Variants in LOC128125817 observed in about 807,000 individuals in gnomAD.
At chr1:41,618,741 TGGCCCATTTTCCA>T in the LOC128125817 span, among the ~76,000 whole-genome samples, 1 of 152,224 alleles carries the variant, frequency 6.6e-6, no homozygotes, top group Non-Finnish European at 1.5e-5. Flanking sequence ...TCTATCCACC[TGGCCCATTTTCCA>T]GATGAGGAAA....
chr1:41,622,686 G>A, the LOC128125817 span, among the ~76,000 whole-genome samples: 5 of 152,186 alleles, frequency 3.3e-5, no homozygotes, highest in African/African-American at 1.2e-4. Context: ...GAAGCTATGG[G>A]TGGATTTTAA....
chr1:41,628,500 G>A, the LOC128125817 span, among the ~76,000 whole-genome samples: 1 of 152,184 alleles, frequency 6.6e-6, no homozygotes, highest in African/African-American at 2.4e-5. Context: ...GGTACTGGGA[G>A]GGGGCGGACT....
the LOC128125817 span, among the ~76,000 whole-genome samples, chr1:41,625,993 G>C: frequency 6.6e-6 from 1 of 152,234 alleles, no homozygotes; most frequent in Non-Finnish European, 1.5e-5. Flanking sequence ...TCATTGCTGA[G>C]AAATTGCTTC....
At chr1:41,625,701 C>G in the LOC128125817 span, among the ~76,000 whole-genome samples, 1 of 152,160 alleles carries the variant, frequency 6.6e-6, no homozygotes, top group African/African-American at 2.4e-5. Context: ...CACCACTATA[C>G]TCTAGCCTGG....
chr1:41,588,166 T>C, the LOC128125817 span, among the ~76,000 whole-genome samples: 1 of 152,196 alleles, frequency 6.6e-6, no homozygotes, highest in African/African-American at 2.4e-5. Flanking sequence ...AGAACTGCTC[T>C]TTGGGCTGGG....
chr1:41,601,127 G>A, the LOC128125817 span, among the ~76,000 whole-genome samples: 1,656 of 152,198 alleles, frequency 0.011, 26 homozygotes, highest in African/African-American at 0.037. Context: ...CTGTCTTTAT[G>A]TCAGTACCAT....
the LOC128125817 span, among the ~76,000 whole-genome samples, chr1:41,603,125 G>A: frequency 4.0e-5 from 6 of 151,622 alleles, no homozygotes; most frequent in East Asian, 1.9e-4. Flanking sequence ...GCAGTGTAGC[G>A]GCGCGATCTC....
At chr1:41,585,792 T>C in the LOC128125817 span, among the ~76,000 whole-genome samples, 1 of 152,146 alleles carries the variant, frequency 6.6e-6, no homozygotes, top group African/African-American at 2.4e-5. Context: ...ATGCAGATGC[T>C]GCTGGGTGAA....
chr1:41,590,774 T>C, the LOC128125817 span, among the ~76,000 whole-genome samples: 1 of 152,224 alleles, frequency 6.6e-6, no homozygotes, highest in African/African-American at 2.4e-5. Context: ...GATCAGGGTT[T>C]AGTTCTAAAG....
the LOC128125817 span, among the ~76,000 whole-genome samples, chr1:41,605,375 G>GCA: frequency 0.013 from 1,685 of 126,652 alleles, 15 homozygotes; most frequent in East Asian, 0.038. Flanking sequence ...ACGCACACGC[G>GCA]CACACACACA....
At chr1:41,616,107 C>T in the LOC128125817 span, among the ~76,000 whole-genome samples, 1 of 152,070 alleles carries the variant, frequency 6.6e-6, no homozygotes, top group African/African-American at 2.4e-5. Context: ...CTCCCAAAGC[C>T]TGTGACATGT....
At chr1:41,614,807 T>C in the LOC128125817 span, among the ~76,000 whole-genome samples, 1 of 152,230 alleles carries the variant, frequency 6.6e-6, no homozygotes, top group East Asian at 1.9e-4. Context: ...CACAGTTAGC[T>C]GCACAGTCTC....
chr1:41,614,363 T>C, the LOC128125817 span, among the ~76,000 whole-genome samples: 1 of 152,040 alleles, frequency 6.6e-6, no homozygotes, highest in African/African-American at 2.4e-5. Flanking sequence ...CAACAGAGGG[T>C]GCAAGTCCCA....
chr1:41,622,946 G>A, the LOC128125817 span, among the ~76,000 whole-genome samples: 4 of 152,222 alleles, frequency 2.6e-5, no homozygotes, highest in African/African-American at 9.6e-5. Context: ...GTAACTGCTG[G>A]ATATAGCTAG....
At chr1:41,600,703 A>G in the LOC128125817 span, among the ~76,000 whole-genome samples, 1 of 152,206 alleles carries the variant, frequency 6.6e-6, no homozygotes, top group East Asian at 1.9e-4. Context: ...TTTTACCACA[A>G]TTTTTAAAAT....
chr1:41,586,321 G>A, the LOC128125817 span, among the ~76,000 whole-genome samples: 1 of 152,148 alleles, frequency 6.6e-6, no homozygotes, highest in Non-Finnish European at 1.5e-5. Context: ...CCCAAGGCTG[G>A]AGTCACCATG....
At chr1:41,586,868 A>G in the LOC128125817 span, among the ~76,000 whole-genome samples, 1 of 152,200 alleles carries the variant, frequency 6.6e-6, no homozygotes, top group Non-Finnish European at 1.5e-5. Flanking sequence ...TTTATAGAAG[A>G]ATGACAAACT....
the LOC128125817 span, among the ~76,000 whole-genome samples, chr1:41,589,535 G>A: frequency 1.1e-4 from 16 of 152,328 alleles, no homozygotes; most frequent in East Asian, 9.6e-4. Flanking sequence ...TATCGAAGGC[G>A]TCAGGACAAC....
the LOC128125817 span, among the ~76,000 whole-genome samples, chr1:41,586,573 T>A: frequency 7.5e-6 from 1 of 132,766 alleles, no homozygotes; most frequent in East Asian, 1.9e-4. Context: ...CATCCTGCCC[T>A]CAGGCTCCCC....
Sources: allele counts gnomAD v4.1 joint callset (sites outside exome capture counted in the v4.1 genomes callset), GRCh38; gene constraint gnomAD v4.1.1; transcripts MANE v1.5.